The following FTCDNL1 variants were observed in gnomAD, a reference collection of about 807,000 sequenced individuals.
The protein encoded by FTCDNL1 is formiminotransferase cyclodeaminase N-terminal like.
FTCDNL1 carries 11 observed loss-of-function variants against 5.9 expected under a neutral mutation model. That is an observed-to-expected ratio of 1.87 (90% CI 1.18 to 3.10). The LOEUF is 3.10. Among genes scored for constraint, FTCDNL1 ranks in the 30% most tolerant of loss-of-function variants. FTCDNL1 has a pLI of 0.00. For missense variants in FTCDNL1, 115 were observed against 65.5 expected (o/e 1.76, Z -2.61); for synonymous variants, 58 against 24.8 (o/e 2.34, Z -3.99).
At chr2:199,715,339 G>C in the FTCDNL1 span, among the ~76,000 whole-genome samples, 1 of 152,130 alleles carries the variant, frequency 6.6e-6, no homozygotes, top group Non-Finnish European at 1.5e-5. Flanking sequence ...TGTGTCATGG[G>C]AGGGACCCAG....
chr2:199,678,354 G>A, the FTCDNL1 span, among the ~76,000 whole-genome samples: 1 of 152,112 alleles, frequency 6.6e-6, no homozygotes, highest in Non-Finnish European at 1.5e-5. Context: ...AAATAGATGA[G>A]CAGATGTGGG....
the FTCDNL1 span, among the ~76,000 whole-genome samples, chr2:199,680,961 G>A: frequency 6.6e-6 from 1 of 152,118 alleles, no homozygotes; most frequent in Non-Finnish European, 1.5e-5. Flanking sequence ...GCTGGGCAGG[G>A]TTCTGGCTTC....
chr2:199,820,291 A>C (rs756768937), intron 3 of FTCDNL1, among the ~76,000 whole-genome samples: 4 of 152,170 alleles, frequency 2.6e-5, no homozygotes, highest in Non-Finnish European at 5.9e-5. Flanking sequence ...CTCTAGAACT[A>C]AAGTTTTAAT....
chr2:199,668,850 C>T, the FTCDNL1 span, among the ~76,000 whole-genome samples: 6 of 151,834 alleles, frequency 4.0e-5, no homozygotes, highest in African/African-American at 9.7e-5. Flanking sequence ...CAGGGGAACT[C>T]GGGAAGAAAG....
At chr2:199,733,721 C>G in the FTCDNL1 span, among the ~76,000 whole-genome samples, 6 of 152,176 alleles carry the variant, frequency 3.9e-5, no homozygotes, top group Admixed American at 2.6e-4. Context: ...AAAATGTGGT[C>G]CGCAGATCTG....
At chr2:199,671,742 T>C in the FTCDNL1 span, among the ~76,000 whole-genome samples, 9 of 152,216 alleles carry the variant, frequency 5.9e-5, no homozygotes, top group East Asian at 1.7e-3. Flanking sequence ...CCCTGCCAGC[T>C]GGCTTTCCTG....
the FTCDNL1 span, among the ~76,000 whole-genome samples, chr2:199,750,563 T>C: frequency 6.6e-6 from 1 of 152,132 alleles, no homozygotes; most frequent in East Asian, 1.9e-4. Flanking sequence ...AATCATTGCC[T>C]GAAGAGAAAG....
rs995292778 is a variant in FTCDNL1 at position 199,845,484 on chromosome 2, T to C, written c.211+591A>G. Among the ~76,000 whole-genome samples, 6 of 151,972 alleles carry C rather than the reference T, an allele frequency of 3.9e-5. No homozygotes were observed. In the East Asian group the frequency reaches 9.7e-4, roughly 24 times the overall value. Reference sequence around the variant, plus strand: ...TACAAAGGAGGCTGAAGCATGGGAATTGCTTGAACCCCGGAGGCAGAGGTT... The same window carrying C: ...TACAAAGGAGGCTGAAGCATGGGAACTGCTTGAACCCCGGAGGCAGAGGTT... On this transcript the variant is annotated intron_variant, in intron 3 of 4. Transcript: ENST00000420128.
At chr2:199,764,351 T>C (rs964512097) in intron 3 of FTCDNL1, among the ~76,000 whole-genome samples, 2 of 152,198 alleles carry the variant, frequency 1.3e-5, no homozygotes, top group Non-Finnish European at 2.9e-5. Flanking sequence ...TGAAGTAACC[T>C]GCCCAAAATC....
chr2:199,836,186 A>G (rs999274636), intron 3 of FTCDNL1, among the ~76,000 whole-genome samples: 3 of 152,080 alleles, frequency 2.0e-5, no homozygotes, highest in African/African-American at 7.2e-5. Flanking sequence ...TGTGTTTGAG[A>G]TAGGGTCTCG....
intron 3 of FTCDNL1, among the ~76,000 whole-genome samples, chr2:199,825,620 T>C (rs193116939): frequency 5.7e-4 from 87 of 152,240 alleles, no homozygotes; most frequent in African/African-American, 2.0e-3. Context: ...CAAGAGCTGG[T>C]TGTTTAAGGA....
chr2:199,727,485 G>A, the FTCDNL1 span, among the ~76,000 whole-genome samples: 2 of 152,342 alleles, frequency 1.3e-5, no homozygotes, highest in East Asian at 3.9e-4. Flanking sequence ...GGGTAGCACA[G>A]TCACCCACCA....
Position 199,848,829 on chromosome 2 carries a change from A to C in FTCDNL1, c.115+19T>G, listed in dbSNP as rs1336742169. On this transcript the variant is annotated intron_variant, in intron 2 of 4. Coordinates refer to ENST00000420128, the MANE Select transcript of FTCDNL1 (RefSeq NM_001363886.2). ...TCAAAACACTATAATATTCAGCTTC[A>C]ATTGTCTGTTTTTCCTACCATTTTT... 2.9e-6 allele frequency: 2 copies of C among 701,550 alleles called. No homozygotes were observed. Among genetic ancestry groups the C allele is most frequent in the Non-Finnish European group, 5.2e-6 (2 of 384,552 alleles). The allele number at this position is 701,550 out of a possible 1,614,324, so 43.5% of individuals were successfully genotyped here.
the FTCDNL1 span, among the ~76,000 whole-genome samples, chr2:199,722,852 T>C: frequency 6.6e-6 from 1 of 152,180 alleles, no homozygotes; most frequent in Admixed American, 6.5e-5. Context: ...CCTTGTTAGT[T>C]GTATTCCTGG....
chr2:199,760,868 G>A (rs898798435), intron 3 of FTCDNL1: 8 of 702,076 alleles, frequency 1.1e-5, no homozygotes, highest in Non-Finnish European at 1.8e-5. Context: ...TTAGTATTTG[G>A]AAGAGAAAGA....
chr2:199,666,743 C>T, the FTCDNL1 span, among the ~76,000 whole-genome samples: 1,362 of 151,976 alleles, frequency 9.0e-3, 12 homozygotes, highest in Non-Finnish European at 0.013. Flanking sequence ...GGTGAAGCCC[C>T]GTCTCTACTA....
downstream of FTCDNL1, among the ~76,000 whole-genome samples, chr2:199,807,365 T>C (rs1700781909): frequency 6.6e-6 from 1 of 152,182 alleles, no homozygotes; most frequent in Non-Finnish European, 1.5e-5. Flanking sequence ...TGGCCAGGCA[T>C]GGTGGCTTAC....
chr2:199,696,169 C>T, the FTCDNL1 span, among the ~76,000 whole-genome samples: 1 of 152,224 alleles, frequency 6.6e-6, no homozygotes, highest in Non-Finnish European at 1.5e-5. Flanking sequence ...GCACATGCCG[C>T]CACCCTGCCA....
At chr2:199,787,900 G>C (rs1559187234) in intron 3 of FTCDNL1, among the ~76,000 whole-genome samples, 1 of 152,080 alleles carries the variant, frequency 6.6e-6, no homozygotes, top group Non-Finnish European at 1.5e-5. Flanking sequence ...CTTTTCCGAG[G>C]ACATAATTTT....
Sources: gnomAD v4.1 joint callset for allele counts (sites outside exome capture counted in the v4.1 genomes callset) on GRCh38, gnomAD v4.1.1 for gene constraint, MANE v1.5 for transcripts, NCBI Gene and HGNC (gene_info 2026-07-23, HGNC 2026-07-21) for gene names.